Variants in XKR4 observed in about 807,000 individuals in gnomAD.
XKR4 encodes XK related 4.
A neutral mutation model predicts 53.9 loss-of-function variants in XKR4; 12 were observed. That is an observed-to-expected ratio of 0.22 (90% CI 0.14 to 0.36). The LOEUF is 0.36. XKR4 is among the 10% of genes least tolerant of loss of function. The probability of loss-of-function intolerance (pLI) is 1.00; values close to 1 mark genes in which losing one functional copy is unlikely to be tolerated. For synonymous variants in XKR4, 354 were observed against 362.4 expected, an observed-to-expected ratio of 0.98 and a Z score of 0.26; for missense variants, 799 against 859.5, an observed-to-expected ratio of 0.93 and a Z score of 0.88.
In XKR4 at chr8:55,156,865, G is replaced by A. The variant is rs529680625; in HGVS notation, c.806+53571G>A. 3.9e-5 allele frequency among the ~76,000 whole-genome samples: 6 copies of A among 152,276 alleles called. No homozygotes were observed. The South Asian group carries it at 1.2e-3, about 32-fold the overall frequency. On this transcript the variant is annotated intron_variant, in intron 1 of 2. Coordinates refer to ENST00000327381, the MANE Select transcript of XKR4 (RefSeq NM_052898.2). ...AAGATTACACCAACAACACGTTTCC[G>A]TAAACTTTCTGCATAAACAAGTCTC...
intron 2 of XKR4, among the ~76,000 whole-genome samples, chr8:55,513,342 G>A (rs1234608926): frequency 3.3e-5 from 5 of 152,166 alleles, no homozygotes; most frequent in Non-Finnish European, 5.9e-5. Flanking sequence ...ATGCATGGCA[G>A]ACTACAAAGG....
intron 2 of XKR4, among the ~76,000 whole-genome samples, chr8:55,406,372 T>G (rs1413841357): frequency 6.6e-6 from 1 of 152,222 alleles, no homozygotes; most frequent in African/African-American, 2.4e-5. Context: ...TCAAAGCACC[T>G]TATTCAATCC....
At chr8:55,192,284 A>T (rs1817453300) in intron 1 of XKR4, among the ~76,000 whole-genome samples, 1 of 149,928 alleles carries the variant, frequency 6.7e-6, no homozygotes, top group African/African-American at 2.4e-5. Flanking sequence ...CATTATAGTC[A>T]GAAGTGACTT....
intron 1 of XKR4, among the ~76,000 whole-genome samples, chr8:55,223,625 G>A (rs1377732035): frequency 6.6e-6 from 1 of 152,164 alleles, no homozygotes; most frequent in African/African-American, 2.4e-5. Flanking sequence ...GTTTGGAGTA[G>A]TTATAATGAA....
intron 1 of XKR4, among the ~76,000 whole-genome samples, chr8:55,104,426 T>A (rs61350823): frequency 6.6e-6 from 1 of 152,224 alleles, no homozygotes; most frequent in African/African-American, 2.4e-5. Context: ...GTACTGGTGC[T>A]CTTTTTCAAT....
chr8:55,319,293 C>T (rs546180154), intron 1 of XKR4, among the ~76,000 whole-genome samples: 17 of 152,170 alleles, frequency 1.1e-4, no homozygotes, highest in South Asian at 2.1e-4. Flanking sequence ...GTATAGTTTG[C>T]GATTTGTGGT....
intron 2 of XKR4, among the ~76,000 whole-genome samples, chr8:55,385,928 T>C (rs1385677714): frequency 1.3e-5 from 2 of 152,180 alleles, no homozygotes; most frequent in Non-Finnish European, 2.9e-5. Flanking sequence ...CTTTGTGTTG[T>C]CTTTATTTTT....
At chr8:55,431,087 G>C (rs533187914) in intron 2 of XKR4, among the ~76,000 whole-genome samples, 82 of 152,274 alleles carry the variant, frequency 5.4e-4, no homozygotes, top group Admixed American at 9.2e-4. Flanking sequence ...AAAATGAAAA[G>C]CTTCTTTAGA....
chr8:55,157,786 G>T (rs1201183555), intron 1 of XKR4, among the ~76,000 whole-genome samples: 1 of 152,178 alleles, frequency 6.6e-6, no homozygotes, highest in Non-Finnish European at 1.5e-5. Flanking sequence ...TTGGTTTTCT[G>T]TTCCTGCATT....
intron 1 of XKR4, among the ~76,000 whole-genome samples, chr8:55,137,224 G>A (rs1213643389): frequency 6.6e-6 from 1 of 151,938 alleles, no homozygotes; most frequent in Non-Finnish European, 1.5e-5. Context: ...AGGTGGGAAT[G>A]GGTTAGGGAT....
At chr8:55,149,639 A>C (rs1040638024) in intron 1 of XKR4, among the ~76,000 whole-genome samples, 1 of 152,244 alleles carries the variant, frequency 6.6e-6, no homozygotes, top group Non-Finnish European at 1.5e-5. Flanking sequence ...AGCGTTTCAG[A>C]AGATGCCCCA....
chr8:55,451,521 G>C lies in XKR4; in HGVS notation c.1007-71760G>C, dbSNP rs1805443022. Reference sequence around the variant, plus strand: ...GAGAAGGTGCGTTCTGGGCCTTAAAGAGTCCGACTACACCTATGCCGTACA... The same window carrying C: ...GAGAAGGTGCGTTCTGGGCCTTAAACAGTCCGACTACACCTATGCCGTACA... On this transcript the variant is annotated intron_variant, in intron 2 of 2. Transcript: ENST00000327381. 4 of 1,043,140 alleles carry C rather than the reference G, an allele frequency of 3.8e-6. No homozygotes were observed. The Admixed American group carries it at 6.6e-5, about 17-fold the overall frequency. 64.6% of individuals were successfully genotyped at this position (1,043,140 alleles called of 1,614,324 possible).
chr8:55,522,419 G>T (rs900079723), intron 2 of XKR4, among the ~76,000 whole-genome samples: 1 of 152,216 alleles, frequency 6.6e-6, no homozygotes, highest in Non-Finnish European at 1.5e-5. Context: ...GTGCCAGATT[G>T]CACTAGGACA....
At chr8:55,352,137 G>C (rs1483749100) in intron 1 of XKR4, among the ~76,000 whole-genome samples, 1 of 152,206 alleles carries the variant, frequency 6.6e-6, no homozygotes, top group Non-Finnish European at 1.5e-5. Context: ...CCTAGTTAAA[G>C]TCTGAGTAAA....
rs1229239067 is a variant in XKR4, at chr8:55,525,095, A to T, written c.*868A>T. Reference sequence around the variant, plus strand: ...AAGGCAAAATGAGAGTCTGATTCCCAGGCATGTGCAGCGCCCATTGGGACA... The same window carrying T: ...AAGGCAAAATGAGAGTCTGATTCCCTGGCATGTGCAGCGCCCATTGGGACA... On this transcript the variant is annotated 3_prime_UTR_variant, in exon 3 of 3. Coordinates refer to ENST00000327381, the MANE Select transcript of XKR4 (RefSeq NM_052898.2). 6.6e-6 allele frequency: 1 copy of T among 152,634 alleles called. No homozygotes were observed. The highest frequency in any genetic ancestry group is 1.5e-5 in the Non-Finnish European group (1 of 68,044). The allele number at this position is 152,634 out of a possible 1,614,324, so 9.5% of individuals were successfully genotyped here.
At chr8:55,232,376 A>T (rs1007794131) in intron 1 of XKR4, among the ~76,000 whole-genome samples, 1 of 152,246 alleles carries the variant, frequency 6.6e-6, no homozygotes, top group Admixed American at 6.5e-5. Flanking sequence ...ATATATTCAC[A>T]GCTTAGAAAT....
chr8:55,108,044 T>C (rs1279877224), intron 1 of XKR4, among the ~76,000 whole-genome samples: 2 of 152,114 alleles, frequency 1.3e-5, no homozygotes, highest in African/African-American at 4.8e-5. Flanking sequence ...ATAAGCACGA[T>C]AGAAACAGGA....
chr8:55,350,145 G>C (rs1244611797), intron 1 of XKR4, among the ~76,000 whole-genome samples: 1 of 152,084 alleles, frequency 6.6e-6, no homozygotes, highest in Non-Finnish European at 1.5e-5. Flanking sequence ...CTTATCATTG[G>C]GCATTTGGGT....
intron 2 of XKR4, chr8:55,454,055 T>C (rs1045854178): frequency 2.4e-6 from 2 of 840,146 alleles, no homozygotes; most frequent in Non-Finnish European, 4.0e-6. Context: ...CAGCAGCTGA[T>C]GGAAGAGCCG....
Sources: gnomAD v4.1 joint callset for allele counts (sites outside exome capture counted in the v4.1 genomes callset) on GRCh38, gnomAD v4.1.1 for gene constraint, MANE v1.5 for transcripts, NCBI Gene and HGNC (gene_info 2026-07-23, HGNC 2026-07-21) for gene names.